Variants in GSE1 observed in about 807,000 individuals in gnomAD.
GSE1 encodes the protein genetic suppressor element 1.
Under a neutral mutation model 112.6 loss-of-function variants are expected in GSE1, and 32 were observed. The ratio of observed to expected loss-of-function variants is 0.28; its 90% CI spans 0.21 to 0.38. GSE1 has a LOEUF of 0.38. Among genes scored for constraint, GSE1 ranks in the 10% least tolerant of loss-of-function variants. The pLI is 1.00. For missense variants in GSE1, 2,348 were observed against 1,699.2 expected (o/e 1.38, Z -6.71); for synonymous variants, 1,115 against 735.6 (o/e 1.52, Z -8.35).
intron 2 of GSE1, among the ~76,000 whole-genome samples, chr16:85,494,563 C>T (rs2051110056): frequency 6.6e-6 from 1 of 152,008 alleles, no homozygotes; most frequent in African/African-American, 2.4e-5. Context: ...CCCACCACGC[C>T]CAGCTAATTT....
upstream of GSE1, chr16:85,613,299 G>C (rs545420284): frequency 1.0e-5 from 16 of 1,540,438 alleles, no homozygotes; most frequent in African/African-American, 2.1e-4. Flanking sequence ...TGCCGCCGCC[G>C]AGCAGCCCCG....
At chr16:85,353,446 G>T (rs140779106) in intron 1 of GSE1, among the ~76,000 whole-genome samples, 1 of 72,454 alleles carries the variant, frequency 1.4e-5, no homozygotes, top group Non-Finnish European at 3.0e-5. Flanking sequence ...CGAAGCAACT[G>T]CATCATTTTA....
chr16:85,473,941 G>T (rs2151851566), intron 2 of GSE1, among the ~76,000 whole-genome samples: 1 of 152,224 alleles, frequency 6.6e-6, no homozygotes, highest in Admixed American at 6.5e-5. Flanking sequence ...ATGCCTGGGA[G>T]AGAGCTCCAG....
intron 2 of GSE1, among the ~76,000 whole-genome samples, chr16:85,449,678 G>C (rs1045904247): frequency 6.6e-6 from 1 of 152,234 alleles, no homozygotes; most frequent in Non-Finnish European, 1.5e-5. Context: ...AGCCTTTGAG[G>C]AGGGGCCAGG....
rs1197180129 is a variant in GSE1 at position 85,408,049 on chromosome 16, G to T, written c.2464+50406G>T. Among the ~76,000 whole-genome samples the T allele has an allele frequency of 1.2e-4, 5 of 43,070 alleles. 1 individual carries two copies. Among genetic ancestry groups the T allele is most frequent in the Non-Finnish European group, 2.1e-4 (5 of 23,752 alleles). The allele number at this position is 43,070 out of a possible 152,430, so 28.3% of individuals were successfully genotyped here. A position where few individuals can be genotyped will look rare whatever the true frequency, so the allele number is the denominator to read the frequency against. ...ACTCAGGGCCCCCCTGGATAATCCT[G>T]TTACTCTCAGGGCACCTGGATAATC... On this transcript the variant is annotated intron_variant, in intron 2 of 2. Coordinates refer to the GSE1 transcript ENST00000637419.
intron 2 of GSE1, among the ~76,000 whole-genome samples, chr16:85,519,201 C>T (rs1315027765): frequency 6.6e-6 from 1 of 152,122 alleles, no homozygotes; most frequent in Non-Finnish European, 1.5e-5. Context: ...TGACCCTCAT[C>T]ATCATCACCT....
chr16:85,610,553 G>A (rs529770033), upstream of GSE1, among the ~76,000 whole-genome samples: 2 of 152,230 alleles, frequency 1.3e-5, no homozygotes, highest in African/African-American at 4.8e-5. Context: ...CTCGGAGGCC[G>A]TGCTCCGGAT....
chr16:85,667,938 T>A (rs531006875), intron 13 of GSE1, among the ~76,000 whole-genome samples: 1 of 142,234 alleles, frequency 7.0e-6, no homozygotes, highest in Non-Finnish European at 1.5e-5. Context: ...CAGGGCTGCG[T>A]TGTCTCCTGG....
intron 11 of GSE1, chr16:85,664,397 T>A (rs2052668735): frequency 6.6e-6 from 1 of 152,312 alleles, no homozygotes; most frequent in African/African-American, 2.4e-5. Flanking sequence ...TTTTAACCAG[T>A]CAGTAGTTTT....
intron 2 of GSE1, among the ~76,000 whole-genome samples, chr16:85,639,175 C>A (rs2050240595): frequency 6.6e-6 from 1 of 152,228 alleles, no homozygotes; most frequent in Non-Finnish European, 1.5e-5. Context: ...CACATTGTCC[C>A]AGCCACCAAA....
chr16:85,647,232 C>G (rs948965204), intron 2 of GSE1, among the ~76,000 whole-genome samples: 1 of 152,182 alleles, frequency 6.6e-6, no homozygotes, highest in Non-Finnish European at 1.5e-5. Flanking sequence ...GTCACCCAGG[C>G]CCAAAGCCCT....
chr16:85,257,497 A>G (rs1372764586), intron 1 of GSE1, among the ~76,000 whole-genome samples: 1 of 152,238 alleles, frequency 6.6e-6, no homozygotes, highest in Non-Finnish European at 1.5e-5. Context: ...AGCGCGAGGA[A>G]GGATGTTTCT....
intron 1 of GSE1, among the ~76,000 whole-genome samples, chr16:85,605,580 G>A (rs1475188585): frequency 6.6e-6 from 1 of 152,060 alleles, no homozygotes; most frequent in Non-Finnish European, 1.5e-5. Flanking sequence ...CAGGGCAGCA[G>A]CTAAGGAAAC....
chr16:85,170,268 C>A, exon 1 of GSE1: 3 of 985,700 alleles, frequency 3.0e-6, no homozygotes, highest in Non-Finnish European at 2.4e-6. Context: ...ATGGGGAGCC[C>A]AAGTCCGGGG....
chr16:85,278,560 C>T (rs536513094), intron 1 of GSE1, among the ~76,000 whole-genome samples: 9 of 152,254 alleles, frequency 5.9e-5, no homozygotes, highest in Admixed American at 5.9e-4. Flanking sequence ...TATTTTTACC[C>T]CAGATATTTT....
chr16:85,203,001 T>G (rs1318495910), intron 1 of GSE1, among the ~76,000 whole-genome samples: 1 of 34,950 alleles, frequency 2.9e-5, no homozygotes, highest in East Asian at 1.3e-3. Flanking sequence ...CTTCTCCCCC[T>G]CCTCCTTGGC....
At chr16:85,672,084 C>T (rs546214566) in intron 15 of GSE1, 82 of 302,420 alleles carry the variant, frequency 2.7e-4, no homozygotes, top group East Asian at 1.0e-3. Context: ...CTGCAACCTC[C>T]GCCTCCTGGG....
At chr16:85,410,980 G>C (rs1202370818) in intron 2 of GSE1, among the ~76,000 whole-genome samples, 14 of 80,198 alleles carry the variant, frequency 1.7e-4, no homozygotes, top group South Asian at 4.5e-4. Flanking sequence ...TACACTCAGG[G>C]CCCCCCGGAT....
chr16:85,478,931 T>TTC (rs1567520967), intron 2 of GSE1, among the ~76,000 whole-genome samples: 4 of 89,460 alleles, frequency 4.5e-5, no homozygotes, highest in Admixed American at 1.3e-4. Flanking sequence ...TTCTTTCTCT[T>TTC]TCTTTCTTTC....
Sources: gnomAD v4.1 joint callset for allele counts (sites outside exome capture counted in the v4.1 genomes callset) on GRCh38, gnomAD v4.1.1 for gene constraint, MANE v1.5 for transcripts, NCBI Gene and HGNC (gene_info 2026-07-23, HGNC 2026-07-21) for gene names.